CLEC4M: variants seen among roughly 807,000 people sequenced by gnomAD.
CLEC4M encodes CD209 antigen-like protein 1.
A neutral mutation model predicts 39.1 loss-of-function variants in CLEC4M; 25 were observed. That is an observed-to-expected ratio of 0.64 (90% CI 0.47 to 0.89). The LOEUF is 0.89. Ranked by LOEUF, CLEC4M falls within the 40% of genes least tolerant of loss-of-function variation. CLEC4M has a pLI of 0.00. For synonymous variants in CLEC4M, 155 were observed against 177.4 expected (o/e 0.87, Z 1.00); for missense variants, 353 against 431.4 (o/e 0.82, Z 1.61).
In CLEC4M at chr19:7,767,519, T is replaced by G; in HGVS notation, c.940T>G (p.Phe314Val). 1 of 1,613,804 alleles carries G rather than the reference T, an allele frequency of 6.2e-7. No individual in the cohort carries two copies. The highest frequency in any genetic ancestry group is 8.5e-7 in the Non-Finnish European group (1 of 1,179,712). Residue 314 changes from phenylalanine (F) to valine (V), a missense_variant, in exon 6 of 7, where the codon TTC becomes GTC. By Grantham distance (50) the Phe-to-Val change is conservative. Coordinates refer to ENST00000327325, the MANE Select transcript of CLEC4M (RefSeq NM_014257.5). The stretch of plus-strand genomic sequence containing the variant: ...TGACTCCTCCTCTACCCTCCAGAAC[T>G]TCCTACAGCTGCAGACTTCCAGGAG... ...VVIKTAEEQN[F>V]LQLQTSRSNR...
At chr19:7,767,484 A>T (rs1599521546) in intron 5 of CLEC4M, 32 bp from the exon 6 acceptor site, 5 of 1,537,312 alleles carry the variant, frequency 3.3e-6, no homozygotes, top group Middle Eastern at 1.7e-4. Flanking sequence ...TGGGAAGCAG[A>T]GCTCCCTCCT....
intron 4 of CLEC4M, chr19:7,766,416 G>A: frequency 6.9e-7 from 1 of 1,450,912 alleles, no homozygotes; most frequent in Non-Finnish European, 9.0e-7. Context: ...TCTGTTCTGA[G>A]CTCTAAAGCT....
At chr19:7,763,925 G>T (rs1568526642) in intron 2 of CLEC4M, among the ~76,000 whole-genome samples, 2 of 150,586 alleles carry the variant, frequency 1.3e-5, no homozygotes, top group African/African-American at 4.9e-5. Flanking sequence ...GAGAACTGGG[G>T]CCTGAATTCG....
intron 2 of CLEC4M, 56 bp from the exon 3 acceptor site, chr19:7,765,129 C>T (rs1302992126): frequency 1.3e-6 from 2 of 1,590,344 alleles, no homozygotes; most frequent in Admixed American, 3.3e-5. Context: ...CCAGGCTCTC[C>T]CTGGGCCAGG....
At chr19:7,767,709 C>A in intron 6 of CLEC4M, 81 bp downstream of exon 6, 1 of 1,195,082 alleles carries the variant, frequency 8.4e-7, no homozygotes, top group South Asian at 1.3e-5. Context: ...CTGGGGGTCC[C>A]CCCCAACCTC....
intron 5 of CLEC4M, 142 bp downstream of exon 5, chr19:7,766,949 C>T: frequency 7.1e-7 from 1 of 1,408,800 alleles, no homozygotes; most frequent in Non-Finnish European, 9.5e-7. Context: ...ATGAAGGGGT[C>T]CCAGGTACCC....
intron 2 of CLEC4M, among the ~76,000 whole-genome samples, chr19:7,763,850 G>A (rs1276352779): frequency 6.6e-6 from 1 of 151,456 alleles, no homozygotes; most frequent in Non-Finnish European, 1.5e-5. Context: ...TGAGAACTGG[G>A]GACTGGAATC....
chr19:7,763,499 A>T (rs1363663821), intron 2 of CLEC4M, 23 bp downstream of exon 2: 1 of 1,601,588 alleles, frequency 6.2e-7, no homozygotes, highest in Non-Finnish European at 8.6e-7. Context: ...TAGGGAGCAG[A>T]TAGTGGAAGA....
At position 7,769,175 on chromosome 19, in the gene CLEC4M, T is replaced by C; in HGVS notation, c.*187T>C. On this transcript the variant is annotated 3_prime_UTR_variant, in exon 7 of 7. Transcript: ENST00000327325. Reference sequence around the variant, plus strand: ...CTGATGCCTCCAAGTTTCCCTGGTGTAGAGCTTGTGTTCTTGGCCCATCCT... The same window carrying C: ...CTGATGCCTCCAAGTTTCCCTGGTGCAGAGCTTGTGTTCTTGGCCCATCCT... 3.5e-6 allele frequency: 2 copies of C among 565,144 alleles called. No homozygotes were observed. Among genetic ancestry groups the C allele is most frequent in the South Asian group, 4.2e-5 (2 of 47,122 alleles). 35.0% of individuals were successfully genotyped at this position (565,144 alleles called of 1,614,324 possible).
At chr19:7,764,706 T>G (rs1216009677) in intron 2 of CLEC4M, among the ~76,000 whole-genome samples, 1 of 152,102 alleles carries the variant, frequency 6.6e-6, no homozygotes, top group East Asian at 1.9e-4. Flanking sequence ...TTAGCCAGGA[T>G]GGTCTTGATC....
chr19:7,766,254 T>G, intron 4 of CLEC4M, 47 bp downstream of exon 4: 5 of 1,608,956 alleles, frequency 3.1e-6, no homozygotes, highest in Non-Finnish European at 4.2e-6. Flanking sequence ...ATGGTCTCTG[T>G]GTGATGTGAC....
intron 4 of CLEC4M, 195 bp from the exon 5 acceptor site, chr19:7,766,461 G>A (rs1325372668): frequency 6.9e-7 from 1 of 1,453,822 alleles, no homozygotes; most frequent in South Asian, 1.5e-5. Flanking sequence ...ATGGAGCCAG[G>A]ACTCCTGGGT....
intron 2 of CLEC4M, among the ~76,000 whole-genome samples, chr19:7,764,537 G>A (rs1212847682): frequency 6.6e-6 from 1 of 151,868 alleles, no homozygotes; most frequent in Non-Finnish European, 1.5e-5. Flanking sequence ...CACCCAGGCT[G>A]GAATGCAGTG....
intron 2 of CLEC4M, among the ~76,000 whole-genome samples, chr19:7,764,528 A>G (rs1055066243): frequency 3.3e-5 from 5 of 151,870 alleles, no homozygotes; most frequent in African/African-American, 1.2e-4. Flanking sequence ...TTGCTCTGTC[A>G]CCCAGGCTGG....
chr19:7,766,521 C>G, intron 4 of CLEC4M, 135 bp from the exon 5 acceptor site: 2 of 1,526,922 alleles, frequency 1.3e-6, no homozygotes, highest in South Asian at 2.6e-5. Context: ...GGAATGGTCT[C>G]TCCCCATTCC....
chr19:7,765,055 C>A, intron 2 of CLEC4M, 130 bp from the exon 3 acceptor site: 2 of 914,040 alleles, frequency 2.2e-6, no homozygotes, highest in Non-Finnish European at 3.4e-6. Context: ...CCTGGATTCC[C>A]AGGTGTTGGA....
Position 7,766,188 on chromosome 19 carries a change from C to T in CLEC4M, c.765C>T (p.Thr255=), listed in dbSNP as rs140297107. 22 of 1,614,148 alleles carry T rather than the reference C, an allele frequency of 1.4e-5. No homozygotes were observed. Among genetic ancestry groups the T allele is most frequent in the African/African-American group, 4.0e-5 (3 of 75,046 alleles). ...SKQQQIYQEL[T]DLKTAFERLC... ...AGCAGCAAATCTATCAAGAACTGAC[C>T]GATTTGAAGACTGCATTTGGTGAGT... Residue 255 remains threonine (T), a synonymous_variant, in exon 4 of 7, where the codon ACC becomes ACT. Transcript: ENST00000327325.
rs369115276 is a variant in CLEC4M at position 7,768,986 on chromosome 19, T to C, written c.1198T>C (p.Ter400GlnextTer5). 20 of 1,613,594 alleles carry C rather than the reference T, an allele frequency of 1.2e-5. No individual in the cohort carries two copies. Among genetic ancestry groups the C allele is most frequent in the Non-Finnish European group, 1.6e-5 (19 of 1,179,700 alleles). ...KKPAACFRDE[*>Q] ...GCCCGCAGCCTGCTTCAGAGACGAA[T>C]AGTTGTTTCCCTGCTAGCCTCAGCC... The change falls in exon 7 of 7, where the codon TAG (stop) becomes CAG (glutamine). Residue 400 changes from the stop codon to glutamine (Q), a stop_lost. Coordinates refer to ENST00000327325, the MANE Select transcript of CLEC4M (RefSeq NM_014257.5).
At chr19:7,764,159 CA>C (rs1415227326) in intron 2 of CLEC4M, among the ~76,000 whole-genome samples, 1 of 151,564 alleles carries the variant, frequency 6.6e-6, no homozygotes, top group Non-Finnish European at 1.5e-5. Flanking sequence ...GATTAACATC[CA>C]AAAAGACTGA....
Sources: gnomAD v4.1 joint callset for allele counts (sites outside exome capture counted in the v4.1 genomes callset) on GRCh38, gnomAD v4.1.1 for gene constraint, MANE v1.5 for transcripts, NCBI Gene and HGNC (gene_info 2026-07-23, HGNC 2026-07-21) for gene names.